Variants in ACSS3 observed in about 807,000 individuals in gnomAD.
The protein encoded by ACSS3 is acyl-CoA synthetase short chain family member 3, also known as acyl-CoA synthetase short-chain family member 3, mitochondrial.
In ACSS3, 64 loss-of-function variants were observed where a neutral mutation model predicts 84.2. The ratio of observed to expected loss-of-function variants is 0.76; its 90% CI spans 0.62 to 0.94. The LOEUF is 0.94. Ranked by LOEUF, ACSS3 falls within the 40% of genes least tolerant of loss-of-function variation. The probability of loss-of-function intolerance (pLI) is 0.00; values close to 1 mark genes in which losing one functional copy is unlikely to be tolerated. For synonymous variants in ACSS3, 317 were observed against 310.1 expected, an observed-to-expected ratio of 1.02 and a Z score of -0.23; for missense variants, 815 against 867.6, an observed-to-expected ratio of 0.94 and a Z score of 0.76.
At chr12:81,244,621 C>T (rs2033921751) in intron 13 of ACSS3, among the ~76,000 whole-genome samples, 1 of 152,074 alleles carries the variant, frequency 6.6e-6, no homozygotes, top group African/African-American at 2.4e-5. Context: ...TCCTCAAGCA[C>T]CAAGATTCTT....
chr12:81,237,525 C>T (rs2033667535), intron 13 of ACSS3, among the ~76,000 whole-genome samples: 1 of 151,366 alleles, frequency 6.6e-6, no homozygotes, highest in South Asian at 2.1e-4. Context: ...TTAGATTTTC[C>T]TGATAAATGT....
intron 13 of ACSS3, among the ~76,000 whole-genome samples, chr12:81,251,620 C>A (rs1396836248): frequency 6.9e-6 from 1 of 144,358 alleles, no homozygotes; most frequent in Non-Finnish European, 1.5e-5. Context: ...TTGCTTGAGC[C>A]CAGGAGTTTG....
intron 7 of ACSS3, among the ~76,000 whole-genome samples, chr12:81,163,735 T>C (rs1887267672): frequency 6.6e-6 from 1 of 152,184 alleles, no homozygotes; most frequent in Non-Finnish European, 1.5e-5. Context: ...CTAATGTGTA[T>C]GTTTGTGTCT....
chr12:81,193,790 GT>G lies in ACSS3; in HGVS notation c.1251-5542del, dbSNP rs879755688. Among the ~76,000 whole-genome samples, 5 of 151,058 alleles carry G rather than the reference GT, an allele frequency of 3.3e-5. No homozygotes were observed. The East Asian group carries it at 5.8e-4, about 18-fold the overall frequency. ...TATTACTGAGAAATTTATATTGTAA[GT>G]TTTTTTTTAATTTTAACTAATTTAA... On this transcript the variant is annotated intron_variant, in intron 8 of 15. Coordinates refer to ENST00000548058, the MANE Select transcript of ACSS3 (RefSeq NM_024560.4).
chr12:81,157,044 A>T (rs902837278), intron 7 of ACSS3, among the ~76,000 whole-genome samples: 10 of 152,196 alleles, frequency 6.6e-5, no homozygotes, highest in African/African-American at 2.4e-4. Context: ...CGACAAAAAA[A>T]AATACTACAA....
At chr12:81,218,638 T>A (rs1463265921) in intron 10 of ACSS3, among the ~76,000 whole-genome samples, 2 of 152,202 alleles carry the variant, frequency 1.3e-5, no homozygotes, top group African/African-American at 4.8e-5. Flanking sequence ...CTGTCATCTC[T>A]GCTCCTTTTA....
intron 7 of ACSS3, among the ~76,000 whole-genome samples, chr12:81,163,372 C>T (rs753808992): frequency 9.9e-5 from 15 of 152,054 alleles, no homozygotes; most frequent in African/African-American, 1.2e-4. Context: ...GCATTTCTCA[C>T]GTTTGTGATG....
intron 8 of ACSS3, among the ~76,000 whole-genome samples, chr12:81,180,078 G>A (rs569486317): frequency 6.6e-6 from 1 of 152,256 alleles, no homozygotes; most frequent in South Asian, 2.1e-4. Flanking sequence ...TGGCCTTCAT[G>A]GCAATATGGA....
intron 15 of ACSS3, among the ~76,000 whole-genome samples, chr12:81,254,238 T>C (rs2034240038): frequency 6.6e-6 from 1 of 152,160 alleles, no homozygotes; most frequent in African/African-American, 2.4e-5. Context: ...CCAAAATATT[T>C]TTTCTCTTAG....
At position 81,255,561 on chromosome 12, in the gene ACSS3, T is replaced by G. The variant is rs998894907; in HGVS notation, c.*639T>G. On this transcript the variant is annotated 3_prime_UTR_variant, in exon 16 of 16. Transcript: ENST00000548058. ...ACCACATGTCTGACCTGGTTCAGCA[T>G]GTAATCCGAGCACTTTGGGAGGCTG... The G allele has an allele frequency of 6.6e-6, 1 of 152,288 alleles. No individual in the cohort carries two copies. Among genetic ancestry groups the G allele is most frequent in the African/African-American group, 2.4e-5 (1 of 41,436 alleles). 9.4% of individuals were successfully genotyped at this position (152,288 alleles called of 1,614,324 possible).
intron 1 of ACSS3, among the ~76,000 whole-genome samples, chr12:81,105,546 G>A (rs1450990515): frequency 6.6e-6 from 1 of 152,068 alleles, no homozygotes; most frequent in Non-Finnish European, 1.5e-5. Flanking sequence ...ACGTGCCCTG[G>A]GTATTCTTCT....
intron 2 of ACSS3, among the ~76,000 whole-genome samples, chr12:81,116,331 AAC>A (rs1565984262): frequency 1.3e-5 from 2 of 152,092 alleles, no homozygotes; most frequent in Non-Finnish European, 2.9e-5. Flanking sequence ...ATGATGAAAC[AAC>A]AGTTTAGTAT....
intron 13 of ACSS3, among the ~76,000 whole-genome samples, chr12:81,243,555 A>C (rs1014873065): frequency 6.6e-6 from 1 of 152,180 alleles, no homozygotes; most frequent in Non-Finnish European, 1.5e-5. Flanking sequence ...TCGTCAAGTC[A>C]ATCCTAAGCC....
intron 1 of ACSS3, among the ~76,000 whole-genome samples, chr12:81,099,128 A>T (rs11114762): frequency 0.35 from 53,314 of 152,014 alleles, 11,855 homozygotes; most frequent in Non-Finnish European, 0.5. Flanking sequence ...TTTTATAAAG[A>T]TTATATATTC....
intron 7 of ACSS3, among the ~76,000 whole-genome samples, chr12:81,174,243 G>A (rs189388646): frequency 6.6e-6 from 1 of 152,244 alleles, no homozygotes; most frequent in African/African-American, 2.4e-5. Flanking sequence ...GTTATTTTGA[G>A]TCTGTGGAAA....
chr12:81,095,190 G>A (rs1356308612), intron 1 of ACSS3, among the ~76,000 whole-genome samples: 2 of 152,134 alleles, frequency 1.3e-5, no homozygotes, highest in Non-Finnish European at 2.9e-5. Flanking sequence ...CTCATTTGGA[G>A]TTTGGTTCTT....
rs146069519 is a variant in ACSS3, at chr12:81,158,839, T to C, written c.1098+6743T>C. Among the ~76,000 whole-genome samples, 29 of 152,294 alleles carry C rather than the reference T, an allele frequency of 1.9e-4. No homozygotes were observed. In the East Asian group the frequency reaches 5.6e-3, roughly 29 times the overall value. Reference sequence around the variant, plus strand: ...CATTGCATTTTCCCTTGGTGGTTTGTATAAAACTTGCAGATTCATATTAGT... The same window carrying C: ...CATTGCATTTTCCCTTGGTGGTTTGCATAAAACTTGCAGATTCATATTAGT... On this transcript the variant is annotated intron_variant, in intron 7 of 15. Coordinates refer to ENST00000548058, the MANE Select transcript of ACSS3 (RefSeq NM_024560.4).
chr12:81,158,654 C>G (rs1381261638), intron 7 of ACSS3, among the ~76,000 whole-genome samples: 3 of 152,024 alleles, frequency 2.0e-5, no homozygotes. Context: ...CCACATGCTC[C>G]TGTTTCCCTG....
At chr12:81,179,132 C>T (rs931792137) in intron 8 of ACSS3, among the ~76,000 whole-genome samples, 1 of 151,870 alleles carries the variant, frequency 6.6e-6, no homozygotes, top group Non-Finnish European at 1.5e-5. Context: ...TCACCACATA[C>T]AAAAATCAAC....
Sources: allele counts gnomAD v4.1 joint callset (sites outside exome capture counted in the v4.1 genomes callset), GRCh38; gene constraint gnomAD v4.1.1; transcripts MANE v1.5; gene names NCBI Gene and HGNC (gene_info 2026-07-23, HGNC 2026-07-21).